Variants in KCND2 observed in about 807,000 individuals in gnomAD.
The protein encoded by KCND2 is potassium voltage-gated channel subfamily D member 2.
Under a neutral mutation model 54.4 loss-of-function variants are expected in KCND2, and 16 were observed. The ratio of observed to expected loss-of-function variants is 0.29; its 90% CI spans 0.20 to 0.45. The LOEUF is 0.45. Ranked by LOEUF, KCND2 falls within the 20% of genes least tolerant of loss-of-function variation. The pLI, the probability that KCND2 is intolerant of heterozygous loss-of-function variation, is 1.00. For missense variants in KCND2, 486 were observed against 824.2 expected (o/e 0.59, Z 5.02); for synonymous variants, 317 against 310.7 (o/e 1.02, Z -0.21).
chr7:120,478,741 C>A (rs1003560519), intron 1 of KCND2, among the ~76,000 whole-genome samples: 1 of 152,114 alleles, frequency 6.6e-6, no homozygotes, highest in Non-Finnish European at 1.5e-5. Context: ...AATTCCTTTA[C>A]TGGCCTGTAG....
intron 1 of KCND2, among the ~76,000 whole-genome samples, chr7:120,309,144 A>G (rs1799690210): frequency 6.6e-6 from 1 of 152,168 alleles, no homozygotes. Context: ...TTTGGAAGAC[A>G]TGAGTGGGTA....
At position 120,418,682 on chromosome 7, in the gene KCND2, T is replaced by G. The variant is rs192314428; in HGVS notation, c.1115+142935T>G. 2.3e-3 allele frequency among the ~76,000 whole-genome samples: 349 copies of G among 152,314 alleles called. 1 individual carries two copies. The highest frequency in any genetic ancestry group is 4.2e-3 in the Non-Finnish European group (283 of 68,034). On this transcript the variant is annotated intron_variant, in intron 1 of 5. Coordinates refer to ENST00000331113, the MANE Select transcript of KCND2 (RefSeq NM_012281.3). ...CAGCCAGGCTTGAGAATCACTGGCA[T>G]GTCTGACTCCAATTCACCAATCTAT...
intron 1 of KCND2, among the ~76,000 whole-genome samples, chr7:120,629,055 AAGAT>A (rs1383753505): frequency 6.6e-6 from 1 of 152,212 alleles, no homozygotes; most frequent in Admixed American, 6.5e-5. Flanking sequence ...ACGCTCTGAT[AAGAT>A]AGATGTCATT....
chr7:120,560,354 G>T (rs982212933), intron 1 of KCND2, among the ~76,000 whole-genome samples: 2 of 152,040 alleles, frequency 1.3e-5, no homozygotes, highest in African/African-American at 4.8e-5. Flanking sequence ...GTGGAATGAT[G>T]AATCAAATTT....
At chr7:120,287,698 C>T (rs1194516956) in intron 1 of KCND2, among the ~76,000 whole-genome samples, 1 of 151,928 alleles carries the variant, frequency 6.6e-6, no homozygotes, top group Admixed American at 6.6e-5. Flanking sequence ...ACTAAAAATA[C>T]ACAAGCATGG....
intron 1 of KCND2, among the ~76,000 whole-genome samples, chr7:120,557,911 T>A (rs970243108): frequency 1.3e-5 from 2 of 152,106 alleles, no homozygotes; most frequent in African/African-American, 4.8e-5. Flanking sequence ...GAATAATTCT[T>A]ACATAGTGGT....
At chr7:120,280,133 A>G (rs1799240331) in intron 1 of KCND2, among the ~76,000 whole-genome samples, 1 of 152,058 alleles carries the variant, frequency 6.6e-6, no homozygotes, top group Non-Finnish European at 1.5e-5. Flanking sequence ...ATCTATTTTT[A>G]TTTTGACATA....
chr7:120,438,695 CATA>C (rs1314345797), intron 1 of KCND2, among the ~76,000 whole-genome samples: 3 of 152,068 alleles, frequency 2.0e-5, no homozygotes, highest in Non-Finnish European at 4.4e-5. Flanking sequence ...GACTTGTCAT[CATA>C]ATGTCACACA....
At position 120,745,777 on chromosome 7, in the gene KCND2, C is replaced by A. The variant is rs780123780; in HGVS notation, c.1468-3C>A. 6 of 1,613,382 alleles carry A rather than the reference C, an allele frequency of 3.7e-6. No individual in the cohort carries two copies. The highest frequency in any genetic ancestry group is 5.1e-6 in the Non-Finnish European group (6 of 1,179,612). ...TCTTCATTTACTTACAACTGTGGAA[C>A]AGAATCACGAGTTTGTGGACGAACA... On this transcript the variant is annotated splice_polypyrimidine_tract_variant and splice_region_variant and intron_variant, in intron 4 of 5. Coordinates refer to ENST00000331113, the MANE Select transcript of KCND2 (RefSeq NM_012281.3).
At chr7:120,381,768 A>G (rs533044920) in intron 1 of KCND2, among the ~76,000 whole-genome samples, 2 of 152,206 alleles carry the variant, frequency 1.3e-5, no homozygotes, top group African/African-American at 4.8e-5. Context: ...ATACATAACT[A>G]TAAGGTTTGG....
chr7:120,432,602 G>C (rs974555253), intron 1 of KCND2, among the ~76,000 whole-genome samples: 1 of 152,238 alleles, frequency 6.6e-6, no homozygotes, highest in Admixed American at 6.5e-5. Context: ...TGGCACTACT[G>C]CTGATAATTA....
intron 1 of KCND2, among the ~76,000 whole-genome samples, chr7:120,539,677 A>G (rs1791955948): frequency 6.6e-6 from 1 of 152,236 alleles, no homozygotes; most frequent in Non-Finnish European, 1.5e-5. Flanking sequence ...TGATGTTTTC[A>G]TACACATATA....
At chr7:120,584,681 A>G (rs1183680737) in intron 1 of KCND2, among the ~76,000 whole-genome samples, 1 of 152,254 alleles carries the variant, frequency 6.6e-6, no homozygotes, top group Non-Finnish European at 1.5e-5. Flanking sequence ...AATCCTAAAT[A>G]CATGGACCCA....
intron 1 of KCND2, among the ~76,000 whole-genome samples, chr7:120,521,303 A>T (rs1455173348): frequency 6.6e-6 from 1 of 152,044 alleles, no homozygotes; most frequent in Non-Finnish European, 1.5e-5. Context: ...GCAATGTAAG[A>T]TGTCCAATTT....
chr7:120,511,787 A>T (rs1195678338), intron 1 of KCND2, among the ~76,000 whole-genome samples: 3 of 152,166 alleles, frequency 2.0e-5, no homozygotes, highest in Non-Finnish European at 4.4e-5. Flanking sequence ...CACTTAGAAG[A>T]TACTAATTTA....
chr7:120,624,199 C>A (rs1287213761), intron 1 of KCND2, among the ~76,000 whole-genome samples: 1 of 152,200 alleles, frequency 6.6e-6, no homozygotes, highest in Non-Finnish European at 1.5e-5. Flanking sequence ...AGCATCCTTA[C>A]ACATCCCTCC....
intron 1 of KCND2, among the ~76,000 whole-genome samples, chr7:120,614,932 A>G (rs1172094251): frequency 6.6e-6 from 1 of 152,160 alleles, no homozygotes; most frequent in Non-Finnish European, 1.5e-5. Context: ...TTATCCCAGG[A>G]GCTTTTCTTT....
At chr7:120,315,765 AGTGT>A (rs59537613) in intron 1 of KCND2, among the ~76,000 whole-genome samples, 6,634 of 137,360 alleles carry the variant, frequency 0.048, 184 homozygotes, top group Middle Eastern at 0.074. Flanking sequence ...TTCCATAAGC[AGTGT>A]GTGTGTGTGT....
At chr7:120,709,201 C>G (rs1792508032) in intron 1 of KCND2, among the ~76,000 whole-genome samples, 3 of 152,054 alleles carry the variant, frequency 2.0e-5, no homozygotes, top group Non-Finnish European at 4.4e-5. Context: ...ACAGTTTTCT[C>G]TTGACTTGTG....
Sources: allele counts gnomAD v4.1 joint callset (sites outside exome capture counted in the v4.1 genomes callset), GRCh38; gene constraint gnomAD v4.1.1; transcripts MANE v1.5; gene names NCBI Gene and HGNC (gene_info 2026-07-23, HGNC 2026-07-21).